The following RARS2 variants were observed in gnomAD, a reference collection of about 807,000 sequenced individuals.
RARS2 encodes probable arginine--tRNA ligase, mitochondrial.
In RARS2, 67 loss-of-function variants were observed where a neutral mutation model predicts 88.5. The ratio of observed to expected loss-of-function variants is 0.76; its 90% CI spans 0.62 to 0.93. The LOEUF (loss-of-function observed/expected upper bound fraction) is 0.93. Ranked by LOEUF, RARS2 falls within the 40% of genes least tolerant of loss-of-function variation. RARS2 has a pLI of 0.00. For synonymous variants in RARS2, 239 were observed against 230.3 expected, an observed-to-expected ratio of 1.04 and a Z score of -0.34; for missense variants, 664 against 684.2, an observed-to-expected ratio of 0.97 and a Z score of 0.33.
Position 87,516,883 on chromosome 6 carries a change from A to G in RARS2, c.1512-3T>C. The G allele has an allele frequency of 6.2e-7, 1 of 1,613,632 alleles. No homozygotes were observed. Among genetic ancestry groups the G allele is most frequent in the Non-Finnish European group, 8.5e-7 (1 of 1,179,680 alleles). ...ATTTATAAAGCACCTCGTCGAACCTAAAAGATGACAGGAACAGTGAACAGG... is the reference window on the plus strand; with the variant it reads ...ATTTATAAAGCACCTCGTCGAACCTGAAAGATGACAGGAACAGTGAACAGG... On this transcript the variant is annotated splice_region_variant and splice_polypyrimidine_tract_variant and intron_variant, in intron 17 of 19. Transcript: ENST00000369536.
At chr6:87,586,877 GTTGGTTATTTAT>G (rs1458683509) in intron 1 of RARS2, among the ~76,000 whole-genome samples, 1 of 140,560 alleles carries the variant, frequency 7.1e-6, no homozygotes, top group Non-Finnish European at 1.5e-5. Flanking sequence ...AATCTGTGGG[GTTGGTTATTTAT>G]TTATTTATTT....
At chr6:87,576,487 A>G in intron 1 of RARS2, among the ~76,000 whole-genome samples, 1 of 117,470 alleles carries the variant, frequency 8.5e-6, no homozygotes, top group East Asian at 2.5e-4. Context: ...CGTGTTAGCC[A>G]GGATGGTCTC....
chr6:87,554,262 T>C (rs932096462), intron 5 of RARS2, among the ~76,000 whole-genome samples: 1 of 152,166 alleles, frequency 6.6e-6, no homozygotes, highest in Non-Finnish European at 1.5e-5. Flanking sequence ...ACAATGAAAG[T>C]ATTAGTTCTT....
chr6:87,515,651 G>C (rs946083344), intron 18 of RARS2, among the ~76,000 whole-genome samples: 6 of 109,110 alleles, frequency 5.5e-5, no homozygotes, highest in African/African-American at 2.5e-4. Flanking sequence ...TCTGTACAGT[G>C]AGGTGGGTAG....
intron 1 of RARS2, among the ~76,000 whole-genome samples, chr6:87,570,849 T>C (rs1769457868): frequency 6.6e-6 from 1 of 152,182 alleles, no homozygotes; most frequent in Non-Finnish European, 1.5e-5. Context: ...ACTGCACCAG[T>C]CCTGAATTAT....
chr6:87,541,963 G>A lies in RARS2; in HGVS notation c.567C>T (p.Gly189=). Reference sequence around the variant, plus strand: ...GATTGGACTGCAGTTTTTCCTCATAGCCAAACAGCTGGAAGCCAGTTCCCA... The same window carrying A: ...GATTGGACTGCAGTTTTTCCTCATAACCAAACAGCTGGAAGCCAGTTCCCA... ...GLLGTGFQLF[G]YEEKLQSNPL... is the part of the protein sequence containing the mutation. Residue 189 remains glycine, a synonymous_variant, in exon 8 of 20, where the codon GGC becomes GGT. Transcript: ENST00000369536. 1 of 1,613,536 alleles carries A rather than the reference G, an allele frequency of 6.2e-7. No individual in the cohort carries two copies. Among genetic ancestry groups the A allele is most frequent in the Non-Finnish European group, 8.5e-7 (1 of 1,179,668 alleles).
intron 7 of RARS2, among the ~76,000 whole-genome samples, chr6:87,542,726 G>T (rs933606202): frequency 1.3e-5 from 2 of 148,740 alleles, no homozygotes; most frequent in Non-Finnish European, 3.0e-5. Context: ...TCCTAGTACA[G>T]TCTGGGAGTA....
chr6:87,577,625 G>C (rs1013591160), intron 1 of RARS2, among the ~76,000 whole-genome samples: 2 of 152,146 alleles, frequency 1.3e-5, no homozygotes, highest in African/African-American at 2.4e-5. Context: ...AAGATTGGTG[G>C]TAAGCATCTT....
chr6:87,582,600 T>C (rs920889428), intron 1 of RARS2, among the ~76,000 whole-genome samples: 13 of 152,244 alleles, frequency 8.5e-5, no homozygotes, highest in Non-Finnish European at 1.8e-4. Context: ...ATACAACTTG[T>C]GCTTCTAAGC....
rs761484626 is a variant in RARS2 at position 87,524,569 on chromosome 6, A to G, written c.962T>C (p.Leu321Pro). The G allele has an allele frequency of 1.2e-6, 2 of 1,610,524 alleles. No homozygotes were observed. Among genetic ancestry groups the G allele is most frequent in the South Asian group, 2.2e-5 (2 of 91,014 alleles). The change falls in exon 11 of 20, where the codon CTC (leucine) becomes CCC (proline). Residue 321 changes from leucine (L) to proline (P), a missense_variant. Coordinates refer to ENST00000369536, the MANE Select transcript of RARS2 (RefSeq NM_020320.5). The stretch of plus-strand genomic sequence containing the variant: ...AGAGGCTACAAACCTGGTTGCATAG[A>G]GAGAAGTCCCATCACTTCGCATTAC... Reference protein sequence around the residue: ...CTVMRSDGTSLYATRDLAAAI... With the variant: ...CTVMRSDGTSPYATRDLAAAI...
At chr6:87,588,366 T>TTTTTTA (rs554743276) in intron 1 of RARS2, among the ~76,000 whole-genome samples, 1 of 152,180 alleles carries the variant, frequency 6.6e-6, no homozygotes, top group East Asian at 1.9e-4. Flanking sequence ...GCTTTTCACG[T>TTTTTTA]TTTTTATTTT....
chr6:87,574,499 G>T (rs2128203599), intron 1 of RARS2, among the ~76,000 whole-genome samples: 1 of 152,306 alleles, frequency 6.6e-6, no homozygotes. Context: ...CTGGGGCAGA[G>T]CTGTCAAGCA....
intron 11 of RARS2, 60 bp downstream of exon 11, chr6:87,524,497 T>C: frequency 1.6e-6 from 2 of 1,237,638 alleles, no homozygotes; most frequent in Admixed American, 1.7e-5. Flanking sequence ...TTGTACATAG[T>C]GTTTCATCTG....
intron 18 of RARS2, among the ~76,000 whole-genome samples, chr6:87,515,475 A>C (rs1474678054): frequency 6.6e-6 from 1 of 151,832 alleles, no homozygotes; most frequent in Non-Finnish European, 1.5e-5. Context: ...AGCCGAGATC[A>C]CGCCACTGCA....
chr6:87,526,893 A>G (rs999854926), intron 10 of RARS2, among the ~76,000 whole-genome samples: 2 of 150,686 alleles, frequency 1.3e-5, no homozygotes, highest in Non-Finnish European at 3.0e-5. Context: ...CTGGTCTTGA[A>G]CTCCCAACCT....
In RARS2 at chr6:87,524,615, C is replaced by T. The variant is rs781646725; in HGVS notation, c.916G>A (p.Asp306Asn). ...ATTACAGTACAAATTGAGGAGGGGTCGCCATTCCCAGAGAGATCTACTACA... is the reference window on the plus strand; with the variant it reads ...ATTACAGTACAAATTGAGGAGGGGTTGCCATTCCCAGAGAGATCTACTACA... ...TAVVDLSGNG[D>N]PSSICTVMRS... Residue 306 changes from aspartate (D) to asparagine (N), a missense_variant, in exon 11 of 20, where the codon GAC becomes AAC. By Grantham distance (23) the Asp-to-Asn change is conservative. Transcript: ENST00000369536. The T allele has an allele frequency of 1.5e-5, 25 of 1,612,996 alleles. No individual in the cohort carries two copies. The East Asian group carries it at 3.3e-4, about 22-fold the overall frequency.
At chr6:87,534,075 T>A (rs1262948067) in intron 8 of RARS2, among the ~76,000 whole-genome samples, 1 of 148,944 alleles carries the variant, frequency 6.7e-6, no homozygotes, top group Non-Finnish European at 1.5e-5. Flanking sequence ...GATTATAATT[T>A]GAACAACTTC....
At chr6:87,561,355 T>C (rs1233531911) in intron 4 of RARS2, among the ~76,000 whole-genome samples, 2 of 152,234 alleles carry the variant, frequency 1.3e-5, no homozygotes, top group Non-Finnish European at 2.9e-5. Context: ...AAGAAAAATA[T>C]ACAGCCTATC....
chr6:87,578,272 T>C (rs1405934187), intron 1 of RARS2, among the ~76,000 whole-genome samples: 1 of 152,258 alleles, frequency 6.6e-6, no homozygotes, highest in Non-Finnish European at 1.5e-5. Flanking sequence ...AAACTCATTA[T>C]AATACAGCCT....
Sources: gnomAD v4.1 joint callset for allele counts (sites outside exome capture counted in the v4.1 genomes callset) on GRCh38, gnomAD v4.1.1 for gene constraint, MANE v1.5 for transcripts, NCBI Gene and HGNC (gene_info 2026-07-23, HGNC 2026-07-21) for gene names.